SLC4A10: variants seen among roughly 807,000 people sequenced by gnomAD.
SLC4A10 encodes the protein sodium-driven chloride bicarbonate exchanger.
Under a neutral mutation model 137.7 loss-of-function variants are expected in SLC4A10, and 42 were observed. The ratio of observed to expected loss-of-function variants is 0.30; its 90% confidence interval spans 0.24 to 0.39. The LOEUF (loss-of-function observed/expected upper bound fraction) is 0.39, where lower values mean the gene tolerates loss of function less well. Among genes scored for constraint, SLC4A10 ranks in the 10% least tolerant of loss-of-function variants. The pLI is 1.00. For synonymous variants in SLC4A10, 474 were observed against 464.1 expected (o/e 1.02, Z -0.27); for missense variants, 925 against 1,355.0 (o/e 0.68, Z 4.98).
intron 1 of SLC4A10, among the ~76,000 whole-genome samples, chr2:161,744,416 A>C (rs1246262104): frequency 6.6e-6 from 1 of 152,154 alleles, no homozygotes; most frequent in Admixed American, 6.5e-5. Flanking sequence ...CTCTTTGTTG[A>C]TATGTGATGT....
chr2:161,702,275 A>G (rs2043202585), intron 1 of SLC4A10, among the ~76,000 whole-genome samples: 1 of 151,996 alleles, frequency 6.6e-6, no homozygotes, highest in South Asian at 2.1e-4. Flanking sequence ...GGAGGTCATT[A>G]TGTTAAGTGA....
At chr2:161,655,816 TC>T (rs1431558565) in intron 1 of SLC4A10, among the ~76,000 whole-genome samples, 116 of 151,490 alleles carry the variant, frequency 7.7e-4, no homozygotes, top group Middle Eastern at 3.4e-3. Flanking sequence ...TAAAAATTCT[TC>T]TTTTTTTTTT....
At chr2:161,659,674 G>A (rs2038030625) in intron 1 of SLC4A10, among the ~76,000 whole-genome samples, 1 of 151,980 alleles carries the variant, frequency 6.6e-6, no homozygotes, top group South Asian at 2.1e-4. Flanking sequence ...AATTGCAAAG[G>A]AAAACATATG....
intron 1 of SLC4A10, among the ~76,000 whole-genome samples, chr2:161,728,271 C>G (rs1378588738): frequency 1.3e-5 from 2 of 152,100 alleles, no homozygotes; most frequent in Non-Finnish European, 2.9e-5. Context: ...AAAAACAGTT[C>G]AAAATAAAAA....
At chr2:161,628,810 C>A (rs1303576591) in intron 1 of SLC4A10, among the ~76,000 whole-genome samples, 2 of 151,904 alleles carry the variant, frequency 1.3e-5, no homozygotes, top group Non-Finnish European at 2.9e-5. Flanking sequence ...GTGGTAGAAT[C>A]TGAAGGCTAT....
At chr2:161,768,290 A>C (rs1197248563) in intron 1 of SLC4A10, among the ~76,000 whole-genome samples, 2 of 151,910 alleles carry the variant, frequency 1.3e-5, no homozygotes, top group East Asian at 3.9e-4. Context: ...ATAAGTCCCT[A>C]CTCTGGCTGC....
chr2:161,872,323 C>A lies in SLC4A10; in HGVS notation c.797C>A (p.Pro266Gln). Reference protein sequence around the residue: ...AGQVVSPQSAPACVENKNDVS... With the variant: ...AGQVVSPQSAQACVENKNDVS... The stretch of plus-strand genomic sequence containing the variant: ...CAGGTTGTTTCTCCTCAGTCTGCTC[C>A]AGCCTGTGTTGAAAATAAAAATGAT... Residue 266 changes from proline (P) to glutamine (Q), a missense_variant, in exon 7 of 27, where the codon CCA becomes CAA. Around this residue, in one of 11 missense-constraint regions of SLC4A10, gnomAD observed 277 missense variants for 306.1 expected, o/e 0.90. Coordinates refer to ENST00000446997, the MANE Select transcript of SLC4A10 (RefSeq NM_001178015.2). 6.2e-7 allele frequency: 1 copy of A among 1,613,550 alleles called. No homozygotes were observed.
intron 1 of SLC4A10, among the ~76,000 whole-genome samples, chr2:161,757,663 G>A: frequency 6.6e-6 from 1 of 152,104 alleles, no homozygotes; most frequent in Non-Finnish European, 1.5e-5. Context: ...TCTGGTTTCA[G>A]AGCTTTTCTT....
chr2:161,950,904 T>A, intron 19 of SLC4A10, 56 bp downstream of exon 19: 1 of 1,370,688 alleles, frequency 7.3e-7, no homozygotes, highest in Non-Finnish European at 1.0e-6. Context: ...TATCAACTGA[T>A]GTTCATTTGA....
At chr2:161,873,797 C>A (rs1048468462) in intron 7 of SLC4A10, 119 bp from the exon 8 acceptor site, 1 of 976,382 alleles carries the variant, frequency 1.0e-6, no homozygotes, top group Non-Finnish European at 1.5e-6. Context: ...GTTTCAGAAT[C>A]CCTCTGACAA....
intron 15 of SLC4A10, among the ~76,000 whole-genome samples, chr2:161,924,757 C>T (rs529536104): frequency 3.9e-5 from 6 of 152,180 alleles, no homozygotes; most frequent in South Asian, 2.1e-4. Flanking sequence ...CAAAAAGTCA[C>T]GGTTAAAATG....
intron 2 of SLC4A10, among the ~76,000 whole-genome samples, chr2:161,791,312 T>C (rs142711858): frequency 6.6e-6 from 1 of 152,310 alleles, no homozygotes; most frequent in Non-Finnish European, 1.5e-5. Context: ...TCATGTCCTT[T>C]GCAGGGACCT....
chr2:161,833,811 C>T (rs369845363), intron 3 of SLC4A10, among the ~76,000 whole-genome samples: 5 of 152,250 alleles, frequency 3.3e-5, no homozygotes, highest in African/African-American at 4.8e-5. Flanking sequence ...TATCATCCAT[C>T]GGCATCTGGT....
chr2:161,659,763 A>C (rs2038048113), intron 1 of SLC4A10, among the ~76,000 whole-genome samples: 1 of 152,234 alleles, frequency 6.6e-6, no homozygotes, highest in Admixed American at 6.5e-5. Context: ...AATGCCCATC[A>C]ACTGATGAAT....
intron 11 of SLC4A10, among the ~76,000 whole-genome samples, chr2:161,899,578 T>A (rs895974778): frequency 1.8e-4 from 27 of 152,156 alleles, no homozygotes; most frequent in Non-Finnish European, 5.9e-5. Context: ...TGTTCTTTAC[T>A]TGGCTCCCAA....
intron 5 of SLC4A10, among the ~76,000 whole-genome samples, chr2:161,858,852 T>C (rs897068163): frequency 3.3e-5 from 5 of 152,178 alleles, no homozygotes; most frequent in East Asian, 1.9e-4. Context: ...AAATCTTTCA[T>C]TGAAGGAAGA....
intron 15 of SLC4A10, among the ~76,000 whole-genome samples, chr2:161,925,098 T>C (rs1688830135): frequency 6.6e-6 from 1 of 152,182 alleles, no homozygotes; most frequent in African/African-American, 2.4e-5. Context: ...CTCTTCTGGC[T>C]ATCTTGATAG....
At chr2:161,790,803 G>A (rs1287289956) in intron 2 of SLC4A10, among the ~76,000 whole-genome samples, 2 of 151,964 alleles carry the variant, frequency 1.3e-5, no homozygotes, top group African/African-American at 4.8e-5. Context: ...CTTTTGTGTG[G>A]GCAAAAGACA....
intron 1 of SLC4A10, among the ~76,000 whole-genome samples, chr2:161,750,816 A>G (rs1314152987): frequency 1.3e-5 from 2 of 151,752 alleles, no homozygotes; most frequent in East Asian, 3.9e-4. Context: ...GGGGTGTTGA[A>G]GTTCCATACT....
Sources: gnomAD v4.1 joint callset for allele counts (sites outside exome capture counted in the v4.1 genomes callset) on GRCh38, gnomAD v4.1.1 for gene constraint, gnomAD v4.1.1 regional missense constraint, MANE v1.5 for transcripts, NCBI Gene and HGNC (gene_info 2026-07-23, HGNC 2026-07-21) for gene names.